URM1: variants seen among roughly 807,000 people sequenced by gnomAD.
The protein encoded by URM1 is ubiquitin related modifier 1.
In URM1, 11 loss-of-function variants were observed where a neutral mutation model predicts 17.7. The ratio of observed to expected loss-of-function variants is 0.62; its 90% confidence interval spans 0.39 to 1.03. URM1 has a LOEUF of 1.03. URM1 is among the 50% of genes least tolerant of loss of function. URM1 has a pLI of 0.00. For missense variants in URM1, 128 were observed against 129.2 expected (o/e 0.99, Z 0.04); for synonymous variants, 48 against 50.6 (o/e 0.95, Z 0.22).
intron 2 of URM1, among the ~76,000 whole-genome samples, chr9:128,378,364 CT>C: frequency 6.6e-6 from 1 of 151,652 alleles, no homozygotes; most frequent in Non-Finnish European, 1.5e-5. Flanking sequence ...TGGTGAAATC[CT>C]GTCTCTATTA....
Position 128,389,907 on chromosome 9 carries a change from T to C in URM1, c.*173T>C, listed in dbSNP as rs1316821141. 3 of 847,486 alleles carry C rather than the reference T, an allele frequency of 3.5e-6. No homozygotes were observed. In the East Asian group the frequency reaches 8.2e-5, roughly 23 times the overall value. 52.5% of individuals were successfully genotyped at this position (847,486 alleles called of 1,614,324 possible). A position where few individuals can be genotyped will look rare whatever the true frequency, so the allele number is the denominator to read the frequency against. ...GCCAGGTGCTAAAAATGAGCCTTTCTCAAGCACGTGAGCAGCGGAAGGCAG... is the reference window on the plus strand; with the variant it reads ...GCCAGGTGCTAAAAATGAGCCTTTCCCAAGCACGTGAGCAGCGGAAGGCAG... On this transcript the variant is annotated 3_prime_UTR_variant, in exon 5 of 5. Transcript: ENST00000372853.
intron 1 of URM1, among the ~76,000 whole-genome samples, chr9:128,375,726 A>G (rs1833067685): frequency 1.3e-5 from 2 of 151,484 alleles, no homozygotes; most frequent in South Asian, 4.2e-4. Context: ...TGCCCACCTA[A>G]TTTTTGTAGT....
At chr9:128,378,135 T>C (rs1283180783) in intron 2 of URM1, 29 bp downstream of exon 2, 1 of 1,525,210 alleles carries the variant, frequency 6.6e-7, no homozygotes, top group African/African-American at 1.4e-5. Flanking sequence ...AACCCCTCTC[T>C]TGGGGCCATT....
chr9:128,376,351 G>C (rs1048691847), intron 1 of URM1, among the ~76,000 whole-genome samples: 4 of 152,028 alleles, frequency 2.6e-5, no homozygotes, highest in African/African-American at 9.7e-5. Flanking sequence ...GACAGAGTGA[G>C]ACCTTGTCTC....
chr9:128,382,037 C>T (rs1482928181), intron 2 of URM1, among the ~76,000 whole-genome samples: 2 of 152,218 alleles, frequency 1.3e-5, no homozygotes, highest in African/African-American at 4.8e-5. Flanking sequence ...CAGAGTTACC[C>T]AAGTAGGGAG....
At chr9:128,378,829 C>T (rs1010157658) in intron 2 of URM1, among the ~76,000 whole-genome samples, 41 of 151,630 alleles carry the variant, frequency 2.7e-4, no homozygotes, top group African/African-American at 9.7e-4. Flanking sequence ...CGCTTGTAAT[C>T]CCAGCTACTC....
rs1372058044 is a variant in URM1, at chr9:128,378,559, A to C, written c.106+453A>C. On this transcript the variant is annotated intron_variant, in intron 2 of 4. Transcript: ENST00000372853. ...CTCCATCTCAAAAAAAAAAAAAAAA[A>C]AAAAAAAAAAAAACTTGTTAATCTT... 9.6e-5 allele frequency among the ~76,000 whole-genome samples: 14 copies of C among 146,402 alleles called. No individual in the cohort carries two copies. In the East Asian group the frequency reaches 1.6e-3, roughly 16 times the overall value.
intron 1 of URM1, among the ~76,000 whole-genome samples, chr9:128,375,176 G>A (rs1360038996): frequency 6.6e-6 from 1 of 152,212 alleles, no homozygotes; most frequent in Non-Finnish European, 1.5e-5. Flanking sequence ...AGGATGAAAT[G>A]AGATGAGGAA....
intron 1 of URM1, among the ~76,000 whole-genome samples, chr9:128,377,067 G>T (rs901173054): frequency 3.9e-5 from 6 of 152,076 alleles, no homozygotes; most frequent in African/African-American, 9.7e-5. Context: ...TGTCACCAAG[G>T]CTCTATTTCA....
Position 128,389,916 on chromosome 9 carries a change from T to C in URM1, c.*182T>C. 1.3e-6 allele frequency: 1 copy of C among 782,166 alleles called. No homozygotes were observed. The highest frequency in any genetic ancestry group is 3.0e-5 in the Admixed American group (1 of 33,870). The allele number at this position is 782,166 out of a possible 1,614,324, so 48.5% of individuals were successfully genotyped here. ...TAAAAATGAGCCTTTCTCAAGCACG[T>C]GAGCAGCGGAAGGCAGACAGGCGCC... On this transcript the variant is annotated 3_prime_UTR_variant, in exon 5 of 5. Transcript: ENST00000372853.
chr9:128,384,892 T>C (rs768482476), intron 2 of URM1, among the ~76,000 whole-genome samples: 5 of 152,146 alleles, frequency 3.3e-5, no homozygotes, highest in Non-Finnish European at 5.9e-5. Flanking sequence ...TCTTAGTCTC[T>C]TTCTTCCTCC....
chr9:128,372,166 C>T (rs1833021646), intron 1 of URM1, among the ~76,000 whole-genome samples: 1 of 152,158 alleles, frequency 6.6e-6, no homozygotes, highest in African/African-American at 2.4e-5. Flanking sequence ...GGTTTCAAAG[C>T]TGAGGGAAAC....
At chr9:128,383,430 G>GCT (rs1247487773) in intron 2 of URM1, among the ~76,000 whole-genome samples, 1 of 152,094 alleles carries the variant, frequency 6.6e-6, no homozygotes, top group Non-Finnish European at 1.5e-5. Flanking sequence ...CCTGGGGTGG[G>GCT]CTCTCCGAAG....
intron 3 of URM1, chr9:128,389,046 A>G: frequency 7.4e-7 from 1 of 1,353,748 alleles, no homozygotes; most frequent in Non-Finnish European, 9.5e-7. Context: ...TGGCATTTGC[A>G]CCCATTTTCC....
intron 1 of URM1, among the ~76,000 whole-genome samples, chr9:128,374,156 A>G (rs1833047664): frequency 6.6e-6 from 1 of 152,110 alleles, no homozygotes; most frequent in African/African-American, 2.4e-5. Context: ...GCCTCCCTGA[A>G]TCACTCTTGA....
Position 128,387,738 on chromosome 9 carries a change from G to T in URM1, c.107-78G>T. ...CTCTAAACACCGTGTGTATTTCCTT[G>T]TGGGCCAGGCAAGGCTCTGGGGGTG... On this transcript the variant is annotated intron_variant, in intron 2 of 4. Coordinates refer to ENST00000372853, the MANE Select transcript of URM1 (RefSeq NM_030914.4). The surrounding 1 kb of genome is among the most constrained non-coding windows in gnomAD (Gnocchi z 4.3). 1 of 1,602,330 alleles carries T rather than the reference G, an allele frequency of 6.2e-7. No individual in the cohort carries two copies. Among genetic ancestry groups the T allele is most frequent in the East Asian group, 2.2e-5 (1 of 44,704 alleles).
At chr9:128,378,158 G>T in intron 2 of URM1, 52 bp downstream of exon 2, 1 of 1,355,144 alleles carries the variant, frequency 7.4e-7, no homozygotes, top group Non-Finnish European at 1.0e-6. Flanking sequence ...ACAGGAGTTG[G>T]TCCATGGGGA....
At chr9:128,389,390 A>C in intron 4 of URM1, 81 bp downstream of exon 4, 1 of 1,613,288 alleles carries the variant, frequency 6.2e-7, no homozygotes, top group East Asian at 2.2e-5. Context: ...CTCCTCAGGC[A>C]CATATAGAGT....
intron 1 of URM1, among the ~76,000 whole-genome samples, chr9:128,374,624 G>A (rs959198669): frequency 1.3e-5 from 2 of 152,176 alleles, no homozygotes; most frequent in Admixed American, 6.5e-5. Context: ...GATGACAGTC[G>A]CCCCATGTTT....
Sources: allele counts gnomAD v4.1 joint callset (sites outside exome capture counted in the v4.1 genomes callset), GRCh38; gene constraint gnomAD v4.1.1; non-coding constraint Gnocchi (gnomAD v3.1); transcripts MANE v1.5; gene names NCBI Gene and HGNC (gene_info 2026-07-23, HGNC 2026-07-21).